Variants in DCDC2 observed in about 807,000 individuals in gnomAD.
DCDC2 encodes the protein doublecortin domain containing 2, also known as doublecortin domain-containing protein 2.
Under a neutral mutation model 50.2 loss-of-function variants are expected in DCDC2, and 40 were observed. The observed-to-expected ratio is 0.80, with a 90% CI of 0.62 to 1.04. The LOEUF (loss-of-function observed/expected upper bound fraction) is 1.04. Among genes scored for constraint, DCDC2 ranks in the 50% least tolerant of loss-of-function variants. DCDC2 has a pLI of 0.00. For missense variants in DCDC2, 570 were observed against 581.9 expected (o/e 0.98, Z 0.21); for synonymous variants, 234 against 210.6 (o/e 1.11, Z -0.96).
chr6:24,343,081 C>A (rs1338642219), intron 2 of DCDC2, among the ~76,000 whole-genome samples: 1 of 137,506 alleles, frequency 7.3e-6, no homozygotes, highest in Non-Finnish European at 1.5e-5. Flanking sequence ...GAGACAGAGT[C>A]TCTTTCTGTC....
intron 7 of DCDC2, among the ~76,000 whole-genome samples, chr6:24,253,452 C>T (rs771589836): frequency 6.6e-6 from 1 of 152,156 alleles, no homozygotes; most frequent in Non-Finnish European, 1.5e-5. Flanking sequence ...TCATGGATCA[C>T]TTAACAGGGA....
intron 6 of DCDC2, among the ~76,000 whole-genome samples, chr6:24,282,615 T>G (rs1044039629): frequency 2.0e-5 from 3 of 152,114 alleles, no homozygotes; most frequent in African/African-American, 7.2e-5. Context: ...GTTTTTTTCA[T>G]TAGCATAAAA....
At chr6:24,183,098 T>C (rs752023831) in intron 8 of DCDC2, among the ~76,000 whole-genome samples, 2 of 152,180 alleles carry the variant, frequency 1.3e-5, no homozygotes, top group African/African-American at 2.4e-5. Flanking sequence ...GTCAGAATCA[T>C]AGAGCAGAGA....
chr6:24,233,786 A>T (rs1157745393), intron 7 of DCDC2, among the ~76,000 whole-genome samples: 1 of 152,206 alleles, frequency 6.6e-6, no homozygotes, highest in African/African-American at 2.4e-5. Flanking sequence ...TAATATTTGC[A>T]TTTCAACATA....
At chr6:24,332,411 G>A (rs994946405) in intron 2 of DCDC2, among the ~76,000 whole-genome samples, 1 of 152,180 alleles carries the variant, frequency 6.6e-6, no homozygotes, top group African/African-American at 2.4e-5. Flanking sequence ...ACATGGAAAA[G>A]TCAGGTGAAG....
intron 8 of DCDC2, among the ~76,000 whole-genome samples, chr6:24,185,096 G>C (rs548364612): frequency 2.0e-5 from 3 of 152,182 alleles, no homozygotes; most frequent in Admixed American, 1.3e-4. Context: ...TTAGTATTTA[G>C]TTTTGTATTT....
At chr6:24,175,676 A>C (rs1394473437) in intron 9 of DCDC2, among the ~76,000 whole-genome samples, 1 of 152,222 alleles carries the variant, frequency 6.6e-6, no homozygotes, top group Non-Finnish European at 1.5e-5. Context: ...AATAAATGTC[A>C]ATTGTTTCTT....
At chr6:24,227,554 A>G (rs1344723630) in intron 7 of DCDC2, among the ~76,000 whole-genome samples, 1 of 152,234 alleles carries the variant, frequency 6.6e-6, no homozygotes, top group African/African-American at 2.4e-5. Context: ...GACCCTGGAC[A>G]GATCTGAGAC....
At chr6:24,278,320 G>A (rs1763405168) in intron 6 of DCDC2, 109 bp from the exon 7 acceptor site, 1 of 968,406 alleles carries the variant, frequency 1.0e-6, no homozygotes, top group African/African-American at 1.6e-5. Flanking sequence ...GCAGGGAGGT[G>A]TATTGTCCTG....
At chr6:24,277,804 A>T (rs1429071698) in intron 7 of DCDC2, among the ~76,000 whole-genome samples, 2 of 152,228 alleles carry the variant, frequency 1.3e-5, no homozygotes, top group African/African-American at 4.8e-5. Context: ...AAAAAAACAT[A>T]CTTTTAAAAT....
In DCDC2 at chr6:24,316,676, T is replaced by C. The variant is rs375307601; in HGVS notation, c.349-14632A>G. Reference sequence around the variant, plus strand: ...CTGTAGAATTAGGTATTCAGAGGCATAAAATGTGTTATATCCTTTGACAGT... The same window carrying C: ...CTGTAGAATTAGGTATTCAGAGGCACAAAATGTGTTATATCCTTTGACAGT... On this transcript the variant is annotated intron_variant, in intron 2 of 9. Transcript: ENST00000378454. Among the ~76,000 whole-genome samples, 30 of 152,284 alleles carry C rather than the reference T, an allele frequency of 2.0e-4. No homozygotes were observed. The East Asian group carries it at 4.2e-3, about 22-fold the overall frequency.
upstream of DCDC2, chr6:24,358,128 G>GCACA (rs151251105): frequency 4.7e-5 from 25 of 531,258 alleles, no homozygotes; most frequent in African/African-American, 1.5e-4. Flanking sequence ...AGAGGAGGAC[G>GCACA]CACACACACA....
intron 7 of DCDC2, among the ~76,000 whole-genome samples, chr6:24,268,356 G>A (rs927153543): frequency 1.1e-4 from 17 of 152,136 alleles, no homozygotes; most frequent in African/African-American, 2.4e-4. Flanking sequence ...ATGTGGTGGC[G>A]CATGCCTGTA....
chr6:24,213,553 G>A (rs1254048951), intron 7 of DCDC2, among the ~76,000 whole-genome samples: 1 of 152,130 alleles, frequency 6.6e-6, no homozygotes, highest in African/African-American at 2.4e-5. Flanking sequence ...GTAAGAAGGT[G>A]ATATAAAAAT....
chr6:24,333,812 A>C (rs1760009883), intron 2 of DCDC2, among the ~76,000 whole-genome samples: 1 of 152,216 alleles, frequency 6.6e-6, no homozygotes, highest in Non-Finnish European at 1.5e-5. Context: ...CTACTGAGGC[A>C]AATCAGGCAA....
At chr6:24,350,730 A>G (rs1760353121) in intron 2 of DCDC2, among the ~76,000 whole-genome samples, 1 of 152,168 alleles carries the variant, frequency 6.6e-6, no homozygotes, top group African/African-American at 2.4e-5. Context: ...ATCCACTTCA[A>G]AAATAATTCT....
Position 24,263,436 on chromosome 6 carries a change from C to T in DCDC2, c.922+14613G>A, listed in dbSNP as rs117282221. ...ATCCCAGAGTGATACAGATACTTGA[C>T]CTTTCAGAGAATTCAAAATACCTGT... On this transcript the variant is annotated intron_variant, in intron 7 of 9. Coordinates refer to ENST00000378454, the MANE Select transcript of DCDC2 (RefSeq NM_016356.5). Among the ~76,000 whole-genome samples, 235 of 152,160 alleles carry T rather than the reference C, an allele frequency of 1.5e-3. 5 individuals carry two copies. Among genetic ancestry groups the T allele is most frequent in the East Asian group, 0.011 (57 of 5,174 alleles).
intron 7 of DCDC2, among the ~76,000 whole-genome samples, chr6:24,270,598 G>A (rs1042237930): frequency 5.3e-5 from 8 of 152,054 alleles, no homozygotes; most frequent in East Asian, 1.9e-4. Flanking sequence ...CTAAAGGACC[G>A]GGCCCTTTCC....
At chr6:24,218,511 G>C (rs146559315) in intron 7 of DCDC2, among the ~76,000 whole-genome samples, 338 of 152,040 alleles carry the variant, frequency 2.2e-3, no homozygotes, top group African/African-American at 7.7e-3. Context: ...CTTTTTTTCT[G>C]ATACAGGGTC....
Sources: allele counts gnomAD v4.1 joint callset (sites outside exome capture counted in the v4.1 genomes callset), GRCh38; gene constraint gnomAD v4.1.1; transcripts MANE v1.5; gene names NCBI Gene and HGNC (gene_info 2026-07-23, HGNC 2026-07-21).